The following SHISAL1 variants were observed in gnomAD, a reference collection of about 807,000 sequenced individuals.
The protein encoded by SHISAL1 is shisa like 1.
Under a neutral mutation model 22.6 loss-of-function variants are expected in SHISAL1, and 9 were observed. That is an observed-to-expected ratio of 0.40 (90% CI 0.24 to 0.70). The LOEUF is 0.70. SHISAL1 is among the 30% of genes least tolerant of loss of function. SHISAL1 has a pLI of 0.39. For synonymous variants in SHISAL1, 119 were observed against 115.4 expected, an observed-to-expected ratio of 1.03 and a Z score of -0.20; for missense variants, 246 against 270.6, an observed-to-expected ratio of 0.91 and a Z score of 0.64.
At chr22:44,307,389 C>T (rs933357185) in intron 1 of SHISAL1, among the ~76,000 whole-genome samples, 1 of 152,166 alleles carries the variant, frequency 6.6e-6, no homozygotes, top group African/African-American at 2.4e-5. Context: ...GTGACTTGCC[C>T]AAGGTCACAC....
At chr22:44,301,047 C>A (rs977766030) in intron 1 of SHISAL1, 70 bp from the exon 2 acceptor site, 1 of 1,092,116 alleles carries the variant, frequency 9.2e-7, no homozygotes, top group Middle Eastern at 2.0e-4. Flanking sequence ...CTGCCCACAG[C>A]GGGGGACGGG....
intron 3 of SHISAL1, among the ~76,000 whole-genome samples, chr22:44,288,505 G>C (rs1408504772): frequency 1.3e-5 from 2 of 152,170 alleles, no homozygotes; most frequent in Non-Finnish European, 2.9e-5. Flanking sequence ...GCTGGGTGTG[G>C]TGGCGGGCGC....
intron 1 of SHISAL1, among the ~76,000 whole-genome samples, chr22:44,302,116 G>A (rs1292486907): frequency 1.3e-5 from 2 of 152,122 alleles, no homozygotes; most frequent in African/African-American, 2.4e-5. Flanking sequence ...CGAGGCTGGC[G>A]GATCACCTGA....
At chr22:44,268,656 G>A (rs1441238281) in intron 4 of SHISAL1, among the ~76,000 whole-genome samples, 1 of 152,222 alleles carries the variant, frequency 6.6e-6, no homozygotes, top group Non-Finnish European at 1.5e-5. Context: ...TGGGCAGCAG[G>A]GAGAGGGTGT....
chr22:44,279,758 C>T lies in SHISAL1; in HGVS notation c.599+5670G>A, dbSNP rs544939876. Among the ~76,000 whole-genome samples the T allele has an allele frequency of 9.2e-5, 14 of 152,290 alleles. No individual in the cohort carries two copies. The South Asian group carries it at 1.2e-3, about 14-fold the overall frequency. On this transcript the variant is annotated intron_variant, in intron 4 of 4. Transcript: ENST00000381176. ...CTGAAGTCCCCAGGGTCCAGGGTGA[C>T]GGAGCCAGCACTGTAGAGGTGCTCA...
chr22:44,252,985 G>A (rs1223888261), intron 4 of SHISAL1, among the ~76,000 whole-genome samples: 5 of 151,218 alleles, frequency 3.3e-5, no homozygotes, highest in Admixed American at 3.3e-4. Flanking sequence ...GACAGAGTGA[G>A]ACTCCATCTT....
chr22:44,278,864 C>T (rs1280863352), intron 4 of SHISAL1, among the ~76,000 whole-genome samples: 1 of 152,100 alleles, frequency 6.6e-6, no homozygotes, highest in Non-Finnish European at 1.5e-5. Flanking sequence ...CTGTAGCCTG[C>T]ACTCTGGGGA....
At chr22:44,249,885 A>C (rs1188353987) in intron 4 of SHISAL1, among the ~76,000 whole-genome samples, 200 bp from the exon 5 acceptor site, 2 of 152,206 alleles carry the variant, frequency 1.3e-5, no homozygotes, top group Non-Finnish European at 2.9e-5. Flanking sequence ...ATAGTACTAG[A>C]GCTCTGGCCC....
At chr22:44,321,258 T>C in the SHISAL1 span, among the ~76,000 whole-genome samples, 273 of 152,328 alleles carry the variant, frequency 1.8e-3, 1 homozygote, top group African/African-American at 6.0e-3. Flanking sequence ...CCTTGGCTTC[T>C]GCTTAGCCTC....
At chr22:44,307,309 T>G (rs975484678) in intron 1 of SHISAL1, among the ~76,000 whole-genome samples, 1 of 152,056 alleles carries the variant, frequency 6.6e-6, no homozygotes, top group Admixed American at 6.5e-5. Flanking sequence ...GTGACCCCCA[T>G]GTCAGCCTAA....
upstream of SHISAL1, among the ~76,000 whole-genome samples, chr22:44,317,717 C>T (rs2055566837): frequency 6.6e-6 from 1 of 152,166 alleles, no homozygotes; most frequent in Admixed American, 6.5e-5. Context: ...AGGGCAGACC[C>T]CCTGACACCA....
chr22:44,318,112 G>A, the SHISAL1 span, among the ~76,000 whole-genome samples: 1 of 152,256 alleles, frequency 6.6e-6, no homozygotes, highest in Non-Finnish European at 1.5e-5. Flanking sequence ...CACCGTGGGG[G>A]CGGGGAAGTC....
upstream of SHISAL1, among the ~76,000 whole-genome samples, chr22:44,316,051 G>T (rs2055556573): frequency 1.3e-5 from 2 of 152,194 alleles, no homozygotes; most frequent in Admixed American, 1.3e-4. Flanking sequence ...GCCCGTGACA[G>T]ACCTGGTCTC....
the SHISAL1 span, among the ~76,000 whole-genome samples, chr22:44,327,240 G>GCACACACACA: frequency 3.5e-4 from 50 of 144,920 alleles, no homozygotes; most frequent in Non-Finnish European, 5.4e-4. Context: ...TGGGGGGCGC[G>GCACACACACA]CACACACACA....
chr22:44,282,210 G>A (rs112961867), intron 4 of SHISAL1, among the ~76,000 whole-genome samples: 2,753 of 152,326 alleles, frequency 0.018, 76 homozygotes, highest in African/African-American at 0.063. Context: ...CCCAGCAGTC[G>A]CCCAGCTTAC....
At chr22:44,279,912 C>G (rs1188752458) in intron 4 of SHISAL1, among the ~76,000 whole-genome samples, 3 of 152,264 alleles carry the variant, frequency 2.0e-5, no homozygotes, top group Non-Finnish European at 2.9e-5. Flanking sequence ...GCAAACCCAA[C>G]AAGACCCAGG....
At chr22:44,274,034 A>G (rs898447737) in intron 4 of SHISAL1, among the ~76,000 whole-genome samples, 1 of 152,194 alleles carries the variant, frequency 6.6e-6, no homozygotes, top group Admixed American at 6.5e-5. Context: ...CCTGGCTGAC[A>G]TAGTGAACCT....
At chr22:44,291,130 G>C (rs1379854958) in intron 3 of SHISAL1, among the ~76,000 whole-genome samples, 2 of 152,188 alleles carry the variant, frequency 1.3e-5, no homozygotes, top group Non-Finnish European at 2.9e-5. Flanking sequence ...CAGAAGCTTA[G>C]AGACACGACG....
chr22:44,296,585 C>T (rs534410431), intron 3 of SHISAL1, 87 bp downstream of exon 3: 12 of 1,188,936 alleles, frequency 1.0e-5, no homozygotes, highest in African/African-American at 3.0e-5. Context: ...GTTACCCAAC[C>T]GCCTCCCTAG....
Sources: allele counts gnomAD v4.1 joint callset (sites outside exome capture counted in the v4.1 genomes callset), GRCh38; gene constraint gnomAD v4.1.1; transcripts MANE v1.5; gene names NCBI Gene and HGNC (gene_info 2026-07-23, HGNC 2026-07-21).